Variants in PRDM16 observed in about 807,000 individuals in gnomAD.
PRDM16 encodes histone-lysine N-methyltransferase PRDM16.
PRDM16 carries 23 observed loss-of-function variants against 110.6 expected under a neutral mutation model. The ratio of observed to expected loss-of-function variants is 0.21; its 90% CI spans 0.15 to 0.29. PRDM16 has a LOEUF of 0.29. PRDM16 is among the 10% of genes least tolerant of loss of function. PRDM16 has a pLI of 1.00. For synonymous variants in PRDM16, 799 were observed against 781.8 expected (o/e 1.02, Z -0.37); for missense variants, 1,615 against 1,794.3 (o/e 0.90, Z 1.81).
chr1:3,395,645 C>T (rs996001580), intron 4 of PRDM16, among the ~76,000 whole-genome samples: 4 of 152,214 alleles, frequency 2.6e-5, no homozygotes, highest in African/African-American at 7.2e-5. Flanking sequence ...CGGCATGGCC[C>T]GTGCCCTGGC....
intron 3 of PRDM16, among the ~76,000 whole-genome samples, chr1:3,335,602 AACACACACACACAC>A (rs3036535): frequency 4.2e-5 from 6 of 144,434 alleles, no homozygotes; most frequent in South Asian, 2.2e-4. Flanking sequence ...CTGAGGTTAA[AACACACACACACAC>A]ACACACACAC....
chr1:3,159,417 C>A (rs769840032), intron 1 of PRDM16, among the ~76,000 whole-genome samples: 3 of 152,230 alleles, frequency 2.0e-5, no homozygotes, highest in Non-Finnish European at 4.4e-5. Flanking sequence ...GGCCTCTCTC[C>A]TTGGCTCATA....
rs542356595 is a variant in PRDM16, at chr1:3,369,879, G to A, written c.439-15273G>A. 2.6e-4 allele frequency among the ~76,000 whole-genome samples: 39 copies of A among 152,356 alleles called. 1 individual carries two copies. The highest frequency in any genetic ancestry group is 1.1e-3 in the Admixed American group (17 of 15,310). ...AGCAGCAAGAGCTGTTCTTTATAGG[G>A]ATTGGCAAGGTATTTGCTTAGACTT... On this transcript the variant is annotated intron_variant, in intron 3 of 16. Transcript: ENST00000270722.
At chr1:3,151,845 T>C (rs1643780745) in intron 1 of PRDM16, among the ~76,000 whole-genome samples, 1 of 152,212 alleles carries the variant, frequency 6.6e-6, no homozygotes, top group African/African-American at 2.4e-5. Context: ...TCACGGACGT[T>C]GTGTGTGGCC....
At chr1:3,234,930 C>T (rs531460101) in intron 2 of PRDM16, among the ~76,000 whole-genome samples, 76 of 152,362 alleles carry the variant, frequency 5.0e-4, no homozygotes, top group Non-Finnish European at 1.0e-3. Flanking sequence ...TGAGGCTGGC[C>T]ATCCTTTTCC....
intron 1 of PRDM16, among the ~76,000 whole-genome samples, chr1:3,183,270 C>T (rs1048878815): frequency 6.6e-6 from 1 of 152,188 alleles, no homozygotes; most frequent in African/African-American, 2.4e-5. Context: ...CTGACCCTCT[C>T]GGGGGCATCC....
chr1:3,320,495 G>A (rs1350696132), intron 3 of PRDM16, among the ~76,000 whole-genome samples: 1 of 152,200 alleles, frequency 6.6e-6, no homozygotes, highest in African/African-American at 2.4e-5. Flanking sequence ...TGCCTCCCGG[G>A]TTCTTGGAGA....
chr1:3,298,186 T>G (rs1271921914), intron 3 of PRDM16, among the ~76,000 whole-genome samples: 1 of 152,210 alleles, frequency 6.6e-6, no homozygotes, highest in Non-Finnish European at 1.5e-5. Flanking sequence ...AATCAGTAGA[T>G]TCCCGTCAGG....
In PRDM16 at chr1:3,293,848, G is replaced by A. The variant is rs1418484846; in HGVS notation, c.438+49711G>A. The stretch of plus-strand genomic sequence containing the variant: ...GGTGAACGTTGCCCCTTGGAGAGGC[G>A]ATGGCGTGGCCCGGCCCCGGCAGGT... On this transcript the variant is annotated intron_variant, in intron 3 of 16. Transcript: ENST00000270722. 1.2e-4 allele frequency among the ~76,000 whole-genome samples: 18 copies of A among 152,314 alleles called. 1 individual carries two copies. Among genetic ancestry groups the A allele is most frequent in the Admixed American group, 1.0e-3 (16 of 15,302 alleles).
chr1:3,185,120 C>G (rs1644252755), intron 1 of PRDM16, among the ~76,000 whole-genome samples: 1 of 152,186 alleles, frequency 6.6e-6, no homozygotes, highest in Non-Finnish European at 1.5e-5. Flanking sequence ...TTTGGCTGCA[C>G]TGGGTGGAGG....
intron 3 of PRDM16, among the ~76,000 whole-genome samples, chr1:3,332,756 C>T (rs1260790170): frequency 6.6e-6 from 1 of 151,662 alleles, no homozygotes; most frequent in Non-Finnish European, 1.5e-5. Context: ...CAGGCCCTGA[C>T]TGCACCCCAG....
chr1:3,394,746 G>A (rs1024407362), intron 4 of PRDM16, among the ~76,000 whole-genome samples: 3 of 152,232 alleles, frequency 2.0e-5, no homozygotes, highest in African/African-American at 7.2e-5. Flanking sequence ...CCCGGGCTTT[G>A]TCCCAGCTGG....
chr1:3,219,636 C>G (rs1206291512), intron 2 of PRDM16, among the ~76,000 whole-genome samples: 2 of 152,242 alleles, frequency 1.3e-5, no homozygotes, highest in Admixed American at 6.5e-5. Flanking sequence ...ATCCCCGCCA[C>G]AGCTCTGCAC....
At chr1:3,216,154 C>T (rs1639027737) in intron 2 of PRDM16, among the ~76,000 whole-genome samples, 1 of 152,158 alleles carries the variant, frequency 6.6e-6, no homozygotes, top group Non-Finnish European at 1.5e-5. Flanking sequence ...GGCCCCCTGA[C>T]AAAGGCCACA....
intron 2 of PRDM16, among the ~76,000 whole-genome samples, chr1:3,212,245 G>A (rs549190168): frequency 2.0e-5 from 3 of 152,244 alleles, no homozygotes; most frequent in South Asian, 2.1e-4. Context: ...CTCCTCTCCC[G>A]TTCCCTTTTA....
rs531084722 is a variant in PRDM16, at chr1:3,080,715, G to A, written c.37+11419G>A. 2.0e-5 allele frequency among the ~76,000 whole-genome samples: 3 copies of A among 152,112 alleles called. No individual in the cohort carries two copies. Among genetic ancestry groups the A allele is most frequent in the South Asian group, 2.1e-4 (1 of 4,828 alleles). ...GCCAGCTTGCTCTCCCCCTCGGACC[G>A]GGCAACTGCTCCTGGATTTCTGTTC... On this transcript the variant is annotated intron_variant, in intron 1 of 16. Coordinates refer to ENST00000270722, the MANE Select transcript of PRDM16 (RefSeq NM_022114.4). This position sits in a 1 kb window ranked among gnomAD's most constrained non-coding sequence, Gnocchi z 5.2.
At chr1:3,368,322 G>T (rs915596086) in intron 3 of PRDM16, among the ~76,000 whole-genome samples, 1 of 152,216 alleles carries the variant, frequency 6.6e-6, no homozygotes, top group African/African-American at 2.4e-5. Context: ...AAGTTTGCGG[G>T]GGTCTTGGCC....
chr1:3,097,569 C>T (rs564326511), intron 1 of PRDM16, among the ~76,000 whole-genome samples: 2 of 152,330 alleles, frequency 1.3e-5, no homozygotes, highest in African/African-American at 4.8e-5. Context: ...CTTCTCCACT[C>T]GCACCTCCAA....
chr1:3,124,798 G>C (rs928506015), intron 1 of PRDM16, among the ~76,000 whole-genome samples: 2 of 152,218 alleles, frequency 1.3e-5, no homozygotes, highest in Non-Finnish European at 2.9e-5. Flanking sequence ...GGTGGCTGAT[G>C]TGAGGGGTCA....
Sources: gnomAD v4.1 joint callset for allele counts (sites outside exome capture counted in the v4.1 genomes callset) on GRCh38, gnomAD v4.1.1 for gene constraint, Gnocchi (gnomAD v3.1) non-coding constraint, MANE v1.5 for transcripts, NCBI Gene and HGNC (gene_info 2026-07-23, HGNC 2026-07-21) for gene names.